The following PLXDC2 variants were observed in gnomAD, a reference collection of about 807,000 sequenced individuals.
The protein encoded by PLXDC2 is plexin domain-containing protein 2.
A neutral mutation model predicts 68.9 loss-of-function variants in PLXDC2; 40 were observed. The observed-to-expected ratio is 0.58, with a 90% CI of 0.45 to 0.76. PLXDC2 has a LOEUF of 0.76. Ranked by LOEUF, PLXDC2 falls within the 30% of genes least tolerant of loss-of-function variation. The pLI, the probability that PLXDC2 is intolerant of heterozygous loss-of-function variation, is 0.00. For missense variants in PLXDC2, 644 were observed against 661.9 expected (o/e 0.97, Z 0.30); for synonymous variants, 243 against 234.2 (o/e 1.04, Z -0.34).
At chr10:20,105,894 A>G (rs1168816975) in intron 4 of PLXDC2, among the ~76,000 whole-genome samples, 1 of 152,238 alleles carries the variant, frequency 6.6e-6, no homozygotes, top group South Asian at 2.1e-4. Context: ...TCATTTCAAA[A>G]TTGGAGATTA....
chr10:19,865,840 C>A (rs1218203024), intron 1 of PLXDC2, among the ~76,000 whole-genome samples: 3 of 152,172 alleles, frequency 2.0e-5, no homozygotes, highest in African/African-American at 7.2e-5. Context: ...TTCCAGCTGC[C>A]TGACACATGA....
chr10:19,997,837 A>G (rs1051225552), intron 1 of PLXDC2, among the ~76,000 whole-genome samples: 2 of 152,352 alleles, frequency 1.3e-5, no homozygotes, highest in African/African-American at 2.4e-5. Flanking sequence ...AAAACAATGA[A>G]GAACTTTCTA....
intron 13 of PLXDC2, among the ~76,000 whole-genome samples, chr10:20,267,698 C>A (rs1835888147): frequency 6.6e-6 from 1 of 152,078 alleles, no homozygotes; most frequent in South Asian, 2.1e-4. Context: ...GGAAAAAGAA[C>A]AAATGACCTA....
intron 3 of PLXDC2, among the ~76,000 whole-genome samples, chr10:20,049,250 CATT>C (rs1416762025): frequency 2.6e-5 from 4 of 152,082 alleles, no homozygotes; most frequent in Non-Finnish European, 5.9e-5. Context: ...CCACAGCTAA[CATT>C]ATACCGAATG....
intron 1 of PLXDC2, among the ~76,000 whole-genome samples, chr10:19,902,908 A>T (rs891208251): frequency 6.6e-6 from 1 of 152,158 alleles, no homozygotes; most frequent in Admixed American, 6.6e-5. Flanking sequence ...GATTTTGTCA[A>T]ATGCTTTTTT....
intron 1 of PLXDC2, among the ~76,000 whole-genome samples, chr10:19,968,312 T>G (rs34255299): frequency 2.0e-5 from 3 of 152,012 alleles, no homozygotes; most frequent in Non-Finnish European, 4.4e-5. Context: ...ATCTCCTTCA[T>G]TGCTTTTTTG....
chr10:20,133,735 G>T (rs1833899100), intron 4 of PLXDC2, among the ~76,000 whole-genome samples: 1 of 152,036 alleles, frequency 6.6e-6, no homozygotes, highest in African/African-American at 2.4e-5. Context: ...GGATCTGAAC[G>T]TTCATTTCTC....
chr10:19,993,071 A>G (rs910308945), intron 1 of PLXDC2, among the ~76,000 whole-genome samples: 1 of 152,210 alleles, frequency 6.6e-6, no homozygotes. Context: ...AAAATGGGAT[A>G]ATAATTCATG....
chr10:20,272,140 A>G (rs1038159271), intron 13 of PLXDC2, among the ~76,000 whole-genome samples: 2 of 152,162 alleles, frequency 1.3e-5, no homozygotes, highest in African/African-American at 4.8e-5. Flanking sequence ...GTAGCTTTTT[A>G]AAAAGATTTG....
At chr10:19,994,312 A>AT (rs869124443) in intron 1 of PLXDC2, among the ~76,000 whole-genome samples, 931 of 34,310 alleles carry the variant, frequency 0.027, 70 homozygotes, top group Non-Finnish European at 0.032. Flanking sequence ...ACATGATTAA[A>AT]TTTTTTTTTT....
chr10:19,980,279 T>G (rs1834531405), intron 1 of PLXDC2, among the ~76,000 whole-genome samples: 1 of 152,218 alleles, frequency 6.6e-6, no homozygotes, highest in African/African-American at 2.4e-5. Context: ...TTTTGCAAGT[T>G]GTACTTAGGA....
intron 2 of PLXDC2, among the ~76,000 whole-genome samples, chr10:20,010,496 T>C (rs1835093961): frequency 6.6e-6 from 1 of 152,170 alleles, no homozygotes; most frequent in Non-Finnish European, 1.5e-5. Context: ...ATTCTTAGCT[T>C]GACATGTCAG....
chr10:20,133,099 T>C (rs80314580), intron 4 of PLXDC2, among the ~76,000 whole-genome samples: 5,703 of 152,298 alleles, frequency 0.037, 141 homozygotes, highest in Middle Eastern at 0.068. Flanking sequence ...AAAACTACAC[T>C]TTAACTTGTC....
At position 20,261,199 on chromosome 10, in the gene PLXDC2, A is replaced by G. The variant is rs74119593; in HGVS notation, c.1473+15694A>G. On this transcript the variant is annotated intron_variant, in intron 13 of 13. Coordinates refer to ENST00000377252, the MANE Select transcript of PLXDC2 (RefSeq NM_032812.9). ...TATAGAAGCGTTACAGTTTTATGTA[A>G]TCTCACTTTTTAATTTTTGCTTTTG... Among the ~76,000 whole-genome samples the G allele has an allele frequency of 4.7e-3, 719 of 152,246 alleles. 2 individuals carry two copies. The highest frequency in any genetic ancestry group is 0.017 in the African/African-American group (691 of 41,540).
At chr10:19,928,021 T>C (rs1833567396) in intron 1 of PLXDC2, among the ~76,000 whole-genome samples, 1 of 152,122 alleles carries the variant, frequency 6.6e-6, no homozygotes, top group African/African-American at 2.4e-5. Flanking sequence ...ATAGCTTAGC[T>C]CCCATTTATG....
chr10:19,907,570 C>T (rs1833188167), intron 1 of PLXDC2, among the ~76,000 whole-genome samples: 1 of 152,156 alleles, frequency 6.6e-6, no homozygotes, highest in African/African-American at 2.4e-5. Flanking sequence ...TTAAGGAGGT[C>T]ATGGAACATG....
chr10:20,178,868 C>G lies in PLXDC2; in HGVS notation c.1061+1459C>G, dbSNP rs532726815. Among the ~76,000 whole-genome samples, 153 of 152,016 alleles carry G rather than the reference C, an allele frequency of 1.0e-3. 6 individuals are homozygous for G. In the South Asian group the frequency reaches 0.03, roughly 30 times the overall value. On this transcript the variant is annotated intron_variant, in intron 9 of 13. Coordinates refer to ENST00000377252, the MANE Select transcript of PLXDC2 (RefSeq NM_032812.9). ...AAATTAATTCCAAATAATAAAAAAGCAAGCAGGTAGTTTGCAGTTTTAAAA... is the reference window on the plus strand; with the variant it reads ...AAATTAATTCCAAATAATAAAAAAGGAAGCAGGTAGTTTGCAGTTTTAAAA...
At chr10:19,991,477 C>T (rs1183364135) in intron 1 of PLXDC2, among the ~76,000 whole-genome samples, 1 of 151,856 alleles carries the variant, frequency 6.6e-6, no homozygotes, top group Non-Finnish European at 1.5e-5. Context: ...TATTTCACCC[C>T]TAATACTACC....
chr10:19,835,425 A>G (rs1462797404), intron 1 of PLXDC2, among the ~76,000 whole-genome samples: 1 of 152,210 alleles, frequency 6.6e-6, no homozygotes, highest in Admixed American at 6.5e-5. Context: ...CAGGTGCTTT[A>G]GGGAATAGAA....
Sources: allele counts gnomAD v4.1 joint callset (sites outside exome capture counted in the v4.1 genomes callset), GRCh38; gene constraint gnomAD v4.1.1; transcripts MANE v1.5; gene names NCBI Gene and HGNC (gene_info 2026-07-23, HGNC 2026-07-21).